Variants in KIF21A observed in about 807,000 individuals in gnomAD.
KIF21A encodes the protein kinesin family member 21A.
Under a neutral mutation model 202.9 loss-of-function variants are expected in KIF21A, and 114 were observed. That is an observed-to-expected ratio of 0.56 (90% CI 0.48 to 0.66). KIF21A has a LOEUF of 0.66. Ranked by LOEUF, KIF21A falls within the 30% of genes least tolerant of loss-of-function variation. KIF21A has a pLI of 0.00. For missense variants in KIF21A, 1,677 were observed against 1,994.9 expected, an observed-to-expected ratio of 0.84 and a Z score of 3.04; for synonymous variants, 667 against 670.8, an observed-to-expected ratio of 0.99 and a Z score of 0.09.
At chr12:39,437,553 T>C (rs927133947) in intron 1 of KIF21A, among the ~76,000 whole-genome samples, 2 of 152,224 alleles carry the variant, frequency 1.3e-5, no homozygotes, top group African/African-American at 4.8e-5. Context: ...TTTGTATCAT[T>C]GTCTGTGAGA....
intron 1 of KIF21A, among the ~76,000 whole-genome samples, chr12:39,424,221 G>A (rs538668033): frequency 6.6e-6 from 1 of 152,176 alleles, no homozygotes; most frequent in African/African-American, 2.4e-5. Flanking sequence ...CATCTTACTT[G>A]ACTTCTCAGC....
intron 28 of KIF21A, among the ~76,000 whole-genome samples, chr12:39,318,655 A>G (rs1478301308): frequency 1.3e-5 from 2 of 152,304 alleles, no homozygotes; most frequent in East Asian, 3.9e-4. Context: ...CAGGCAAACT[A>G]CATCTTTAAG....
At chr12:39,402,007 C>T (rs1952203348) in intron 1 of KIF21A, among the ~76,000 whole-genome samples, 1 of 152,038 alleles carries the variant, frequency 6.6e-6, no homozygotes, top group African/African-American at 2.4e-5. Flanking sequence ...CTACTCCTAC[C>T]AGACAGGAAA....
chr12:39,302,980 T>C lies in KIF21A; in HGVS notation c.4716A>G (p.Gln1572=). The change falls in exon 36 of 38, where the codon CAA becomes CAG. Residue 1572 remains glutamine (Q), a synonymous_variant. Coordinates refer to ENST00000361418, the MANE Select transcript of KIF21A (RefSeq NM_001173464.2). ...DNGIKKWDLT[Q]KDLLQQVPNA... The stretch of plus-strand genomic sequence containing the variant: ...TCTGCATTACCTGAAGAAGGTCTTT[T>C]TGAGTTAAGTCCCATTTCTTGATTC... 7 of 1,614,010 alleles carry C rather than the reference T, an allele frequency of 4.3e-6. No homozygotes were observed. The highest frequency in any genetic ancestry group is 5.1e-6 in the Non-Finnish European group (6 of 1,179,906).
intron 24 of KIF21A, among the ~76,000 whole-genome samples, chr12:39,328,591 T>A (rs1030006071): frequency 3.9e-5 from 6 of 152,188 alleles, no homozygotes; most frequent in African/African-American, 1.4e-4. Context: ...GGATGTTCTT[T>A]AAAGGCTACA....
chr12:39,330,131 C>A (rs1592181858), intron 24 of KIF21A, 111 bp downstream of exon 24: 2 of 1,010,510 alleles, frequency 2.0e-6, no homozygotes, highest in Non-Finnish European at 1.6e-6. Context: ...CATGCAAAAA[C>A]CACTTGACCG....
chr12:39,376,915 T>C (rs1008937256), intron 1 of KIF21A, among the ~76,000 whole-genome samples: 3 of 152,184 alleles, frequency 2.0e-5, no homozygotes, highest in African/African-American at 7.2e-5. Context: ...ATACAACATG[T>C]CTTCCTTTTT....
intron 26 of KIF21A, among the ~76,000 whole-genome samples, chr12:39,325,498 A>ATTTTTTTTTTTTTTTTTTTTTTTT (rs397714587): frequency 8.2e-6 from 1 of 121,446 alleles, no homozygotes; most frequent in African/African-American, 3.5e-5. Context: ...CGCCCAGCTA[A>ATTTTTTTTTTTTTTTTTTTTTTTT]TTTTTTTTTT....
intron 1 of KIF21A, among the ~76,000 whole-genome samples, chr12:39,391,744 T>TTGC (rs1951367832): frequency 6.6e-6 from 1 of 151,942 alleles, no homozygotes; most frequent in South Asian, 2.1e-4. Context: ...GTTGTTGTTG[T>TTGC]TGTTGTTGTT....
rs763349709 is a variant in KIF21A, at chr12:39,363,208, T to C, written c.909A>G (p.Ala303=). The C allele has an allele frequency of 1.3e-6, 2 of 1,598,646 alleles. No homozygotes were observed. Among genetic ancestry groups the C allele is most frequent in the Non-Finnish European group, 8.6e-7 (1 of 1,166,412 alleles). ...EGISINCGLL[A]LGNVISALGD... ...CCAAGGCACTTATTACATTGCCAAG[T>C]GCCAACTAAAAGAAAGAGAAAGAAA... Residue 303 remains alanine (A), a synonymous_variant, in exon 7 of 38, where the codon GCA becomes GCG. Transcript: ENST00000361418.
At position 39,294,237 on chromosome 12, in the gene KIF21A, A is replaced by G. The variant is rs1942080513; in HGVS notation, c.*187T>C. The G allele has an allele frequency of 3.6e-6, 2 of 560,726 alleles. No individual in the cohort carries two copies. The highest frequency in any genetic ancestry group is 3.0e-5 in the Admixed American group (1 of 33,234). The allele number at this position is 560,726 out of a possible 1,614,324, so 34.7% of individuals were successfully genotyped here. On this transcript the variant is annotated 3_prime_UTR_variant, in exon 38 of 38. Transcript: ENST00000361418. ...GGATATATATCTATTGGTTGATCTT[A>G]AAACTAAGCACACAGGATAGTACAC...
At chr12:39,415,230 CTTTTTTTTTT>C (rs1161997461) in intron 1 of KIF21A, among the ~76,000 whole-genome samples, 1 of 55,434 alleles carries the variant, frequency 1.8e-5, no homozygotes. Context: ...GTAGAGAATG[CTTTTTTTTTT>C]TTTTTTTTTT....
chr12:39,412,497 G>A (rs1442835931), intron 1 of KIF21A, among the ~76,000 whole-genome samples: 1 of 152,044 alleles, frequency 6.6e-6, no homozygotes, highest in Non-Finnish European at 1.5e-5. Context: ...TGGGCAGATC[G>A]CTCGAGCTCA....
At chr12:39,371,988 G>A (rs1313958282) in intron 1 of KIF21A, among the ~76,000 whole-genome samples, 3 of 149,030 alleles carry the variant, frequency 2.0e-5, no homozygotes, top group Non-Finnish European at 3.0e-5. Context: ...TCAAGGAACA[G>A]ATTTTAAAGG....
chr12:39,359,427 A>T (rs1440228131), intron 7 of KIF21A, among the ~76,000 whole-genome samples: 2 of 152,146 alleles, frequency 1.3e-5, no homozygotes, highest in Non-Finnish European at 2.9e-5. Flanking sequence ...TAGACTTTAG[A>T]TTCCTAAAGG....
At chr12:39,429,364 T>C (rs1955007281) in intron 1 of KIF21A, among the ~76,000 whole-genome samples, 1 of 152,156 alleles carries the variant, frequency 6.6e-6, no homozygotes, top group South Asian at 2.1e-4. Context: ...ATTCAAGATA[T>C]CCATTCTATC....
At chr12:39,379,392 T>C (rs1950472615) in intron 1 of KIF21A, among the ~76,000 whole-genome samples, 1 of 151,526 alleles carries the variant, frequency 6.6e-6, no homozygotes, top group Admixed American at 6.6e-5. Context: ...ACCACCTAAT[T>C]AGGCATACCA....
intron 11 of KIF21A, among the ~76,000 whole-genome samples, chr12:39,351,202 A>C (rs552933379): frequency 6.6e-6 from 1 of 152,246 alleles, no homozygotes; most frequent in Admixed American, 6.5e-5. Flanking sequence ...GAGAAAGCCC[A>C]GAACAGTGGT....
chr12:39,403,433 A>T (rs919121448), intron 1 of KIF21A, among the ~76,000 whole-genome samples: 1 of 152,234 alleles, frequency 6.6e-6, no homozygotes, highest in South Asian at 2.1e-4. Context: ...CTACATATTT[A>T]AAAATGTACA....
Sources: allele counts gnomAD v4.1 joint callset (sites outside exome capture counted in the v4.1 genomes callset), GRCh38; gene constraint gnomAD v4.1.1; transcripts MANE v1.5; gene names NCBI Gene and HGNC (gene_info 2026-07-23, HGNC 2026-07-21).